Variants in SLC5A4 observed in about 807,000 individuals in gnomAD.
The protein encoded by SLC5A4 is probable glucose sensor protein SLC5A4.
SLC5A4 carries 55 observed loss-of-function variants against 70.3 expected under a neutral mutation model. The ratio of observed to expected loss-of-function variants is 0.78; its 90% CI spans 0.63 to 0.98. The LOEUF (loss-of-function observed/expected upper bound fraction) is 0.98. SLC5A4 is among the 50% of genes least tolerant of loss of function. SLC5A4 has a pLI of 0.00. For synonymous variants in SLC5A4, 268 were observed against 305.7 expected (o/e 0.88, Z 1.29); for missense variants, 735 against 839.2 (o/e 0.88, Z 1.53).
the SLC5A4 span, among the ~76,000 whole-genome samples, chr22:32,275,899 G>T: frequency 6.6e-6 from 1 of 152,142 alleles, no homozygotes; most frequent in Non-Finnish European, 1.5e-5. Flanking sequence ...ACTTTTTAAT[G>T]ATCGCCATTC....
At chr22:32,301,083 C>A in the SLC5A4 span, among the ~76,000 whole-genome samples, 17 of 152,168 alleles carry the variant, frequency 1.1e-4, no homozygotes, top group Non-Finnish European at 2.1e-4. Flanking sequence ...CTGCCTCAGC[C>A]TCCCAAGTAG....
At chr22:32,313,055 A>G in the SLC5A4 span, among the ~76,000 whole-genome samples, 1 of 152,114 alleles carries the variant, frequency 6.6e-6, no homozygotes, top group Non-Finnish European at 1.5e-5. Flanking sequence ...ATAAGGCAAG[A>G]AAAAAAAGCA....
At chr22:32,312,791 C>T in the SLC5A4 span, among the ~76,000 whole-genome samples, 2 of 152,074 alleles carry the variant, frequency 1.3e-5, no homozygotes, top group African/African-American at 2.4e-5. Flanking sequence ...ATCTCATCTC[C>T]CCCATCCTGA....
the SLC5A4 span, among the ~76,000 whole-genome samples, chr22:32,313,664 G>A: frequency 1.3e-5 from 2 of 152,156 alleles, no homozygotes; most frequent in African/African-American, 4.8e-5. Flanking sequence ...TCTGTGGCAG[G>A]CAGCATGAAC....
At chr22:32,288,766 G>A in the SLC5A4 span, among the ~76,000 whole-genome samples, 1 of 151,814 alleles carries the variant, frequency 6.6e-6, no homozygotes, top group Non-Finnish European at 1.5e-5. Context: ...GGTTGGTCTC[G>A]AACTCATGAC....
upstream of SLC5A4, among the ~76,000 whole-genome samples, chr22:32,259,006 G>A (rs533218561): frequency 2.0e-5 from 3 of 152,306 alleles, no homozygotes; most frequent in South Asian, 6.2e-4. Context: ...ACTTATATGA[G>A]GTACCCCAAA....
the SLC5A4 span, among the ~76,000 whole-genome samples, chr22:32,299,721 G>A: frequency 2.7e-5 from 3 of 113,186 alleles, no homozygotes; most frequent in Non-Finnish European, 5.8e-5. Context: ...TTTGGAGGAG[G>A]AGAGGCGCTC....
At chr22:32,261,710 TTAATG>T in the SLC5A4 span, among the ~76,000 whole-genome samples, 1 of 152,268 alleles carries the variant, frequency 6.6e-6, no homozygotes, top group African/African-American at 2.4e-5. Context: ...TGTTTGTTTT[TTAATG>T]TACAATTAAT....
chr22:32,330,005 T>TG, the SLC5A4 span, among the ~76,000 whole-genome samples: 1 of 6,070 alleles, frequency 1.6e-4, no homozygotes, highest in Non-Finnish European at 2.9e-4. Context: ...GTGTGTGTGT[T>TG]GGGGGCTCTG....
the SLC5A4 span, among the ~76,000 whole-genome samples, chr22:32,279,929 C>T: frequency 6.6e-6 from 1 of 152,190 alleles, no homozygotes; most frequent in Non-Finnish European, 1.5e-5. Context: ...GGGGGAGGGG[C>T]TGCTCAAGGG....
chr22:32,317,228 T>A, the SLC5A4 span, among the ~76,000 whole-genome samples: 1 of 151,576 alleles, frequency 6.6e-6, no homozygotes, highest in Non-Finnish European at 1.5e-5. Context: ...TATAACAAAA[T>A]ATATATTTAA....
the SLC5A4 span, among the ~76,000 whole-genome samples, chr22:32,355,056 G>A: frequency 1.3e-5 from 2 of 150,312 alleles, no homozygotes; most frequent in Non-Finnish European, 3.0e-5. Flanking sequence ...AGGAGAGCTT[G>A]GAATGACAAA....
At chr22:32,339,019 T>C in the SLC5A4 span, among the ~76,000 whole-genome samples, 1 of 152,160 alleles carries the variant, frequency 6.6e-6, no homozygotes, top group Non-Finnish European at 1.5e-5. Flanking sequence ...AATGACTGCA[T>C]GAATCCCACA....
intron 5 of SLC5A4, among the ~76,000 whole-genome samples, chr22:32,246,436 A>C (rs968174521): frequency 6.6e-6 from 1 of 152,214 alleles, no homozygotes; most frequent in Non-Finnish European, 1.5e-5. Context: ...GGAGCAAATA[A>C]GTTACTCTTT....
chr22:32,350,316 C>G, the SLC5A4 span, among the ~76,000 whole-genome samples: 5 of 152,184 alleles, frequency 3.3e-5, no homozygotes, highest in Non-Finnish European at 5.9e-5. Flanking sequence ...TGTACACATA[C>G]AGTTAGGCTC....
the SLC5A4 span, among the ~76,000 whole-genome samples, chr22:32,287,195 A>C: frequency 1.3e-5 from 2 of 152,228 alleles, no homozygotes; most frequent in Non-Finnish European, 2.9e-5. Flanking sequence ...TCATGACTTA[A>C]AACAAGCTAT....
chr22:32,241,855 GTGTGTGTATATATA>G (rs925150631), intron 5 of SLC5A4, among the ~76,000 whole-genome samples: 3 of 135,206 alleles, frequency 2.2e-5, no homozygotes, highest in Non-Finnish European at 4.9e-5. Flanking sequence ...GTGTGTGTGT[GTGTGTGTATATATA>G]TGTGTGTATA....
At chr22:32,329,788 A>G in the SLC5A4 span, among the ~76,000 whole-genome samples, 96 of 7,270 alleles carry the variant, frequency 0.013, no homozygotes, top group Admixed American at 0.019. Context: ...TGTGTGTTGG[A>G]GGCTCTGGTG....
chr22:32,254,276 G>A, intron 1 of SLC5A4, 63 bp from the exon 2 acceptor site: 1 of 1,246,430 alleles, frequency 8.0e-7, no homozygotes, highest in South Asian at 1.2e-5. Context: ...CACCCCAGAG[G>A]CTCTGGCCAG....
Sources: gnomAD v4.1 joint callset for allele counts (sites outside exome capture counted in the v4.1 genomes callset) on GRCh38, gnomAD v4.1.1 for gene constraint, MANE v1.5 for transcripts, NCBI Gene and HGNC (gene_info 2026-07-23, HGNC 2026-07-21) for gene names.